ELAPOR1: variants seen among roughly 807,000 people sequenced by gnomAD.
ELAPOR1 encodes the protein endosome-lysosome associated apoptosis and autophagy regulator 1.
In ELAPOR1, 77 loss-of-function variants were observed where a neutral mutation model predicts 119.7. The observed-to-expected ratio is 0.64, with a 90% CI of 0.54 to 0.78. ELAPOR1 has a LOEUF of 0.78. ELAPOR1 is among the 30% of genes least tolerant of loss of function. The pLI, the probability that ELAPOR1 is intolerant of heterozygous loss-of-function variation, is 0.00. For missense variants in ELAPOR1, 1,115 were observed against 1,270.4 expected (o/e 0.88, Z 1.86); for synonymous variants, 481 against 487.2 (o/e 0.99, Z 0.17).
intron 11 of ELAPOR1, among the ~76,000 whole-genome samples, chr1:109,190,060 C>CAA (rs1653335408): frequency 6.6e-6 from 1 of 152,148 alleles, no homozygotes; most frequent in Non-Finnish European, 1.5e-5. Context: ...AAGGATTATT[C>CAA]TTACTGTATT....
chr1:109,126,477 C>G (rs1415180750), intron 1 of ELAPOR1, among the ~76,000 whole-genome samples: 4 of 148,264 alleles, frequency 2.7e-5, no homozygotes, highest in African/African-American at 9.8e-5. Context: ...TAAAAAAGCA[C>G]TTTTTTTTTT....
intron 1 of ELAPOR1, among the ~76,000 whole-genome samples, chr1:109,132,556 G>A (rs1156878497): frequency 6.6e-6 from 1 of 152,162 alleles, no homozygotes; most frequent in Non-Finnish European, 1.5e-5. Context: ...AAAGGTACAT[G>A]GTGCAATGAG....
rs1557702504 is a variant in ELAPOR1 at position 109,198,071 on chromosome 1, TA to T, written c.2396del (p.Tyr799LeufsTer6). 1 of 1,612,670 alleles carries T rather than the reference TA, an allele frequency of 6.2e-7. No individual in the cohort carries two copies. On this transcript the variant is annotated frameshift_variant, in exon 17 of 22. Transcript: ENST00000369939. LOFTEE classifies it high-confidence loss of function. Reference sequence around the variant, plus strand: ...GGGAATACCGGACGTGATCTTCTTTTATAGGTGAAGATGAGAGGCTAGGCTA... The same window carrying T: ...GGGAATACCGGACGTGATCTTCTTTTTAGGTGAAGATGAGAGGCTAGGCTA... The part of the protein sequence containing the change: ...SLGIPDVIFF[Y>X]RSNDVTQSCS...
At chr1:109,122,610 G>A (rs944670678) in intron 1 of ELAPOR1, among the ~76,000 whole-genome samples, 6 of 151,844 alleles carry the variant, frequency 4.0e-5, no homozygotes, top group Non-Finnish European at 5.9e-5. Context: ...ACAGTGAGCC[G>A]TGATCAAGCC....
intron 7 of ELAPOR1, among the ~76,000 whole-genome samples, chr1:109,176,841 A>G (rs375452306): frequency 1.0e-3 from 141 of 141,104 alleles, no homozygotes; most frequent in African/African-American, 3.6e-3. Context: ...CATCTGTTTA[A>G]CAAAGCACAT....
At position 109,144,055 on chromosome 1, in the gene ELAPOR1, T is replaced by TATATATATATA. The variant is rs1558029151; in HGVS notation, c.154-17839_154-17838insATATATATATA. Reference sequence around the variant, plus strand: ...AAATTATATATATATATATATATATTTATATATTTTTTTTTTTTTTTGAGA... The same window carrying TATATATATATA: ...AAATTATATATATATATATATATATTATATATATATATATATATTTTTTTTTTTTTTTGAGA... On this transcript the variant is annotated intron_variant, in intron 1 of 21. Coordinates refer to ENST00000369939, the MANE Select transcript of ELAPOR1 (RefSeq NM_020775.5). Among the ~76,000 whole-genome samples, 31 of 64,352 alleles carry TATATATATATA rather than the reference T, an allele frequency of 4.8e-4. 1 individual carries two copies. The highest frequency in any genetic ancestry group is 6.8e-4 in the African/African-American group (12 of 17,602). 42.2% of individuals were successfully genotyped at this position (64,352 alleles called of 152,430 possible).
In ELAPOR1 at chr1:109,192,765, G is replaced by A. The variant is rs377394786; in HGVS notation, c.1838G>A (p.Arg613Gln). The stretch of plus-strand genomic sequence containing the variant: ...TGTCCTGCTGGTTACTATATTGACC[G>A]AGATTCAGGAACCTGCCACTCCTGC... ...TSCPAGYYID[R>Q]DSGTCHSCPT... The change falls in exon 14 of 22, where the codon CGA becomes CAA. Residue 613 changes from arginine (R) to glutamine (Q), a missense_variant. Physicochemically the swap from Arg to Gln is conservative, Grantham distance 43 (BLOSUM62 1). Coordinates refer to ENST00000369939, the MANE Select transcript of ELAPOR1 (RefSeq NM_020775.5). 98 of 1,613,798 alleles carry A rather than the reference G, an allele frequency of 6.1e-5. No homozygotes were observed. Among genetic ancestry groups the A allele is most frequent in the Non-Finnish European group, 7.4e-5 (87 of 1,179,994 alleles).
At chr1:109,164,840 G>A (rs1651488357) in intron 3 of ELAPOR1, 149 bp downstream of exon 3, 1 of 712,000 alleles carries the variant, frequency 1.4e-6, no homozygotes, top group South Asian at 1.9e-5. Flanking sequence ...GCCTGCAGCT[G>A]TGCCCGCAAG....
intron 1 of ELAPOR1, among the ~76,000 whole-genome samples, chr1:109,158,309 C>CTTTT (rs386368020): frequency 1.5e-5 from 2 of 131,638 alleles, no homozygotes; most frequent in Admixed American, 1.6e-4. Context: ...TGACAGTTTT[C>CTTTT]TTTTTTTTTT....
intron 7 of ELAPOR1, among the ~76,000 whole-genome samples, chr1:109,177,332 T>C (rs1267285145): frequency 6.7e-5 from 8 of 119,864 alleles, no homozygotes; most frequent in Admixed American, 2.4e-4. Flanking sequence ...GGCTCCTCAC[T>C]TCTCAGACCG....
rs3088350 is a variant in ELAPOR1, at chr1:109,206,471, A to T, written c.*3459A>T. 0.87 allele frequency: 133,060 copies of T among 152,186 alleles called. 58,506 individuals carry two copies. The highest frequency in any genetic ancestry group is 0.97 in the East Asian group (5,036 of 5,190). The allele number at this position is 152,186 out of a possible 1,614,324, so 9.4% of individuals were successfully genotyped here. A position where few individuals can be genotyped will look rare whatever the true frequency, so the allele number is the denominator to read the frequency against. ...ACATGCAGTAACTGTCATGCTATAG[A>T]CATCATCTGTATTTGGCTGGGAATA... On this transcript the variant is annotated 3_prime_UTR_variant, in exon 22 of 22. Transcript: ENST00000369939.
At chr1:109,118,441 G>A (rs956326626) in intron 1 of ELAPOR1, among the ~76,000 whole-genome samples, 21 of 152,218 alleles carry the variant, frequency 1.4e-4, no homozygotes, top group African/African-American at 5.1e-4. Flanking sequence ...GAATGGATTA[G>A]CATGAATATA....
At chr1:109,189,461 G>A (rs532201247) in intron 10 of ELAPOR1, 131 bp from the exon 11 acceptor site, 13 of 868,192 alleles carry the variant, frequency 1.5e-5, no homozygotes, top group African/African-American at 3.3e-5. Context: ...TAAGTAACAC[G>A]GTTCATGTTC....
At chr1:109,133,088 G>A (rs777783029) in intron 1 of ELAPOR1, among the ~76,000 whole-genome samples, 3 of 152,000 alleles carry the variant, frequency 2.0e-5, no homozygotes, top group Non-Finnish European at 4.4e-5. Flanking sequence ...AAATTAACCA[G>A]GCATGGTGGC....
Position 109,199,693 on chromosome 1 carries a change from T to C in ELAPOR1, c.2502-161T>C, listed in dbSNP as rs1409952299. On this transcript the variant is annotated intron_variant, in intron 18 of 21. Transcript: ENST00000369939. ...GGCCTCTTATCAGTGAAATCAGAGATCAAAACCTGTGTTAAGGACTAGTTG... is the reference window on the plus strand; with the variant it reads ...GGCCTCTTATCAGTGAAATCAGAGACCAAAACCTGTGTTAAGGACTAGTTG... 2.6e-5 allele frequency among the ~76,000 whole-genome samples: 4 copies of C among 152,148 alleles called. No individual in the cohort carries two copies. The South Asian group carries it at 6.2e-4, about 24-fold the overall frequency.
chr1:109,198,850 G>A (rs1653990983), intron 18 of ELAPOR1, among the ~76,000 whole-genome samples, 176 bp downstream of exon 18: 2 of 152,358 alleles, frequency 1.3e-5, no homozygotes, highest in South Asian at 4.1e-4. Flanking sequence ...CAAGAATGGG[G>A]TAGAAGGAAG....
intron 15 of ELAPOR1, among the ~76,000 whole-genome samples, chr1:109,196,227 C>T (rs896446458): frequency 1.3e-5 from 2 of 152,184 alleles, no homozygotes; most frequent in African/African-American, 2.4e-5. Flanking sequence ...AAGGCCTTTA[C>T]ATCATAGAGC....
intron 1 of ELAPOR1, among the ~76,000 whole-genome samples, chr1:109,128,538 T>C (rs140655508): frequency 0.018 from 2,724 of 152,266 alleles, 93 homozygotes; most frequent in African/African-American, 0.062. Context: ...AGGTGAATCT[T>C]AGTGGTCATC....
intron 1 of ELAPOR1, among the ~76,000 whole-genome samples, chr1:109,152,899 C>T (rs1456890820): frequency 1.4e-5 from 2 of 148,066 alleles, no homozygotes; most frequent in Non-Finnish European, 3.0e-5. Context: ...TTGCAGTGAG[C>T]CGAGATCACA....
Sources: gnomAD v4.1 joint callset for allele counts (sites outside exome capture counted in the v4.1 genomes callset) on GRCh38, gnomAD v4.1.1 for gene constraint, MANE v1.5 for transcripts, NCBI Gene and HGNC (gene_info 2026-07-23, HGNC 2026-07-21) for gene names.